Variants in TTF2 observed in about 807,000 individuals in gnomAD.
TTF2 encodes transcription termination factor 2.
A neutral mutation model predicts 142.4 loss-of-function variants in TTF2; 108 were observed. The ratio of observed to expected loss-of-function variants is 0.76; its 90% CI spans 0.65 to 0.89. The LOEUF (loss-of-function observed/expected upper bound fraction) is 0.89, where lower values mean the gene tolerates loss of function less well. Ranked by LOEUF, TTF2 falls within the 40% of genes least tolerant of loss-of-function variation. The probability of loss-of-function intolerance (pLI) is 0.00; values close to 1 mark genes in which losing one functional copy is unlikely to be tolerated. For missense variants in TTF2, 1,327 were observed against 1,379.8 expected (o/e 0.96, Z 0.61); for synonymous variants, 483 against 506.2 (o/e 0.95, Z 0.61).
intron 13 of TTF2, 140 bp downstream of exon 13, chr1:117,089,122 A>G (rs1648310628): frequency 5.9e-6 from 5 of 840,450 alleles, no homozygotes; most frequent in Non-Finnish European, 8.7e-6. Flanking sequence ...TTTAAAGGAC[A>G]AAAGAATAAA....
intron 18 of TTF2, 78 bp from the exon 19 acceptor site, chr1:117,095,231 T>C: frequency 1.4e-6 from 2 of 1,387,184 alleles, no homozygotes; most frequent in South Asian, 1.2e-5. Context: ...TGTAGGAGGC[T>C]GCTTCGCATG....
Position 117,060,560 on chromosome 1 carries a change from A to T in TTF2, c.131+3A>T. The T allele has an allele frequency of 1.2e-6, 2 of 1,605,406 alleles. No homozygotes were observed. The highest frequency in any genetic ancestry group is 1.7e-6 in the Non-Finnish European group (2 of 1,175,260). The stretch of plus-strand genomic sequence containing the variant: ...TGCAGCTTCGTGCGGGCCACCGAGT[A>T]GGTCTGGAGCTGGGCCCCACTCCCT... On this transcript the variant is annotated splice_donor_region_variant and intron_variant, in intron 2 of 22. Coordinates refer to ENST00000369466, the MANE Select transcript of TTF2 (RefSeq NM_003594.4).
At chr1:117,095,978 T>C (rs1054571095) in intron 19 of TTF2, among the ~76,000 whole-genome samples, 171 bp from the exon 20 acceptor site, 8 of 152,164 alleles carry the variant, frequency 5.3e-5, no homozygotes, top group Non-Finnish European at 1.0e-4. Flanking sequence ...ACTGGAAGCA[T>C]TATAATCTTC....
intron 16 of TTF2, 152 bp from the exon 17 acceptor site, chr1:117,091,665 C>T: frequency 9.8e-7 from 1 of 1,016,694 alleles, no homozygotes; most frequent in Non-Finnish European, 1.4e-6. Context: ...TTTCATTTGG[C>T]CTAATTGAAG....
At chr1:117,061,975 C>T (rs933367355) in intron 2 of TTF2, among the ~76,000 whole-genome samples, 3 of 152,000 alleles carry the variant, frequency 2.0e-5, no homozygotes, top group African/African-American at 4.8e-5. Context: ...GCATATAGGG[C>T]GTATTGTTAG....
rs766656052 is a variant in TTF2 at position 117,090,273 on chromosome 1, G to A, written c.2496+65G>A. The A allele has an allele frequency of 6.4e-7, 1 of 1,564,298 alleles. No individual in the cohort carries two copies. The highest frequency in any genetic ancestry group is 8.6e-7 in the Non-Finnish European group (1 of 1,156,684). On this transcript the variant is annotated intron_variant, in intron 14 of 22. Coordinates refer to ENST00000369466, the MANE Select transcript of TTF2 (RefSeq NM_003594.4). This position sits in a 1 kb window ranked among gnomAD's most constrained non-coding sequence, Gnocchi z 4.8. ...AGGAACATGACTGTGTCCTTGTCTT[G>A]GGTTGAACAGCCATCTGCTTTGCTT... is the stretch of plus-strand genomic sequence containing the variant.
rs1656881247 is a variant in TTF2 at position 117,075,091 on chromosome 1, G to C, written c.507G>C (p.Gln169His). Reference sequence around the variant, plus strand: ...AGCTTTTCGATCAAAAGAAAGAACAGAAGCCTGAAATGATGGAGAAAGACC... The same window carrying C: ...AGCTTTTCGATCAAAAGAAAGAACACAAGCCTGAAATGATGGAGAAAGACC... ...GDQLFDQKKEQKPEMMEKDLS... is the reference protein window; with the variant it reads ...GDQLFDQKKEHKPEMMEKDLS... Residue 169 changes from glutamine (Q) to histidine (H), a missense_variant, in exon 5 of 23, where the codon CAG becomes CAC. By Grantham distance (24) the Gln-to-His change is conservative. Transcript: ENST00000369466. The surrounding 1 kb of genome is among the most constrained non-coding windows in gnomAD (Gnocchi z 4.5). 1.9e-6 allele frequency: 3 copies of C among 1,613,974 alleles called. No homozygotes were observed. The highest frequency in any genetic ancestry group is 2.7e-5 in the African/African-American group (2 of 74,912).
rs1455343593 is a variant in TTF2, at chr1:117,092,773, T to C, written c.2848T>C (p.Ser950Pro). ...MELKGEGLVL[S>P]LEEQLSALTL... ...ACTGAAGGGTGAAGGTCTTGTCCTT[T>C]CCCTGGAAGAACAGCTCAGTGCTTT... The change falls in exon 18 of 23, where the codon TCC (serine) becomes CCC (proline). Residue 950 changes from serine to proline, a missense_variant. Coordinates refer to ENST00000369466, the MANE Select transcript of TTF2 (RefSeq NM_003594.4). The surrounding 1 kb of genome is among the most constrained non-coding windows in gnomAD (Gnocchi z 4.4). 1 of 1,614,102 alleles carries C rather than the reference T, an allele frequency of 6.2e-7. No homozygotes were observed. The highest frequency in any genetic ancestry group is 1.3e-5 in the African/African-American group (1 of 74,932).
rs1448423385 is a variant in TTF2 at position 117,101,533 on chromosome 1, G to C, written c.*9G>C. ...TCCTTTTTGGCATCTAACCTCCTGT[G>C]GATAAGGGCTCAGAATAGCACCATT... On this transcript the variant is annotated 3_prime_UTR_variant, in exon 23 of 23. Coordinates refer to ENST00000369466, the MANE Select transcript of TTF2 (RefSeq NM_003594.4). The surrounding 1 kb of genome is among the most constrained non-coding windows in gnomAD (Gnocchi z 5.9). The C allele has an allele frequency of 6.3e-7, 1 of 1,579,448 alleles. No homozygotes were observed. The highest frequency in any genetic ancestry group is 1.4e-5 in the African/African-American group (1 of 72,826).
chr1:117,061,143 A>T (rs943074969), intron 2 of TTF2, among the ~76,000 whole-genome samples: 7 of 152,170 alleles, frequency 4.6e-5, no homozygotes, highest in Admixed American at 1.3e-4. Flanking sequence ...TAATCCCAGC[A>T]CTTTGGGAGG....
rs551135950 is a variant in TTF2 at position 117,104,638 on chromosome 1, C to T, written c.*3114C>T. Reference sequence around the variant, plus strand: ...GTGTTCTTATAGCCGTGAGATGCTACTGACTTGAGGTGGATGCAGAAAAAA... The same window carrying T: ...GTGTTCTTATAGCCGTGAGATGCTATTGACTTGAGGTGGATGCAGAAAAAA... On this transcript the variant is annotated 3_prime_UTR_variant, in exon 23 of 23. Coordinates refer to ENST00000369466, the MANE Select transcript of TTF2 (RefSeq NM_003594.4). 4.6e-5 allele frequency: 7 copies of T among 152,212 alleles called. No individual in the cohort carries two copies. The highest frequency in any genetic ancestry group is 8.8e-5 in the Non-Finnish European group (6 of 68,042). The allele number at this position is 152,212 out of a possible 1,614,324, so 9.4% of individuals were successfully genotyped here.
At position 117,106,300 on chromosome 1, in the gene TTF2, A is replaced by C. The variant is rs1649939110; in HGVS notation, c.*4776A>C. 2 of 151,174 alleles carry C rather than the reference A, an allele frequency of 1.3e-5. No homozygotes were observed. The highest frequency in any genetic ancestry group is 6.6e-5 in the Admixed American group (1 of 15,182). The allele number at this position is 151,174 out of a possible 1,614,324, so 9.4% of individuals were successfully genotyped here. Reference sequence around the variant, plus strand: ...AAAAAAAAAAAAGCAAACCCAGCCTAACTCCCAGGGAGGGAAGAGGGGCGA... The same window carrying C: ...AAAAAAAAAAAAGCAAACCCAGCCTCACTCCCAGGGAGGGAAGAGGGGCGA... On this transcript the variant is annotated 3_prime_UTR_variant, in exon 23 of 23. Transcript: ENST00000369466.
Position 117,060,442 on chromosome 1 carries a change from C to A in TTF2, c.29-13C>A. ...GCGTGGCGTAATCGTTGTTCACTTT[C>A]TTCTCTCTTCAGGGACTTTCTGCTT... On this transcript the variant is annotated splice_polypyrimidine_tract_variant and intron_variant, in intron 1 of 22. Transcript: ENST00000369466. 1 of 1,612,558 alleles carries A rather than the reference C, an allele frequency of 6.2e-7. No homozygotes were observed. The highest frequency in any genetic ancestry group is 8.5e-7 in the Non-Finnish European group (1 of 1,179,200).
rs1458831924 is a variant in TTF2, at chr1:117,063,100, A to T, written c.218+627A>T. ...AGGCGATAAGGCTGGCCAGGAAGGT[A>T]GGGGTCAGGATGTGATAGATGGTCT... is the stretch of plus-strand genomic sequence containing the variant. On this transcript the variant is annotated intron_variant, in intron 3 of 22. Transcript: ENST00000369466. The surrounding 1 kb of genome is among the most constrained non-coding windows in gnomAD (Gnocchi z 4.1). 6.6e-6 allele frequency among the ~76,000 whole-genome samples: 1 copy of T among 152,222 alleles called. No individual in the cohort carries two copies. Among genetic ancestry groups the T allele is most frequent in the Non-Finnish European group, 1.5e-5 (1 of 68,038 alleles).
In TTF2 at chr1:117,096,209, T is replaced by C. The variant is rs760871980; in HGVS notation, c.3096T>C (p.His1032=). The part of the protein sequence containing the change: ...LKVVALHLKK[H]GLTYATIDGS... ...TTGTAGCATTGCACCTGAAGAAGCA[T>C]GGACTGACTTATGCCACCATCGATG... The change falls in exon 20 of 23, where the codon CAT becomes CAC. Residue 1032 remains histidine (H), a synonymous_variant. Coordinates refer to ENST00000369466, the MANE Select transcript of TTF2 (RefSeq NM_003594.4). 1.3e-5 allele frequency: 21 copies of C among 1,614,080 alleles called. No individual in the cohort carries two copies. Among genetic ancestry groups the C allele is most frequent in the Non-Finnish European group, 1.6e-5 (19 of 1,180,040 alleles).
In TTF2 at chr1:117,100,119, A is replaced by G. The variant is rs1290293011; in HGVS notation, c.3344+1212A>G. Among the ~76,000 whole-genome samples, 2 of 152,204 alleles carry G rather than the reference A, an allele frequency of 1.3e-5. No homozygotes were observed. Among genetic ancestry groups the G allele is most frequent in the East Asian group, 1.9e-4 (1 of 5,206 alleles). On this transcript the variant is annotated intron_variant, in intron 22 of 22. Transcript: ENST00000369466. The surrounding 1 kb of genome is among the most constrained non-coding windows in gnomAD (Gnocchi z 4.6). ...AAAACATACCTTTTGAGCACCCACTATGTAGCAAGTATAATTACATGTTTC... is the reference window on the plus strand; with the variant it reads ...AAAACATACCTTTTGAGCACCCACTGTGTAGCAAGTATAATTACATGTTTC...
chr1:117,076,638 C>A lies in TTF2; in HGVS notation c.1391-3C>A. The stretch of plus-strand genomic sequence containing the variant: ...ATCTGCTCTTCCCTTGTTTTCTGAG[C>A]AGGAACTAATGAGAAGAGTAACAGT... On this transcript the variant is annotated splice_region_variant and splice_polypyrimidine_tract_variant and intron_variant, in intron 6 of 22. Transcript: ENST00000369466. The surrounding 1 kb of genome is among the most constrained non-coding windows in gnomAD (Gnocchi z 4.6). 1 of 1,604,456 alleles carries A rather than the reference C, an allele frequency of 6.2e-7. No individual in the cohort carries two copies. The highest frequency in any genetic ancestry group is 8.5e-7 in the Non-Finnish European group (1 of 1,174,704).
chr1:117,075,935 C>T lies in TTF2; in HGVS notation c.1275+76C>T. 6.6e-7 allele frequency: 1 copy of T among 1,514,144 alleles called. No individual in the cohort carries two copies. Among genetic ancestry groups the T allele is most frequent in the African/African-American group, 1.4e-5 (1 of 71,890 alleles). The allele number at this position is 1,514,144 out of a possible 1,614,324, so 93.8% of individuals were successfully genotyped here. A position where few individuals can be genotyped will look rare whatever the true frequency, so the allele number is the denominator to read the frequency against. ...GGGCAGATATGAGATCTCATTGCTA[C>T]AGAAGGGTTAAATATGTTCATGTGA... On this transcript the variant is annotated intron_variant, in intron 5 of 22. Coordinates refer to ENST00000369466, the MANE Select transcript of TTF2 (RefSeq NM_003594.4). This position sits in a 1 kb window ranked among gnomAD's most constrained non-coding sequence, Gnocchi z 4.5.
rs373710329 is a variant in TTF2, at chr1:117,090,012, C to A, written c.2343-43C>A. On this transcript the variant is annotated intron_variant, in intron 13 of 22. Transcript: ENST00000369466. The surrounding 1 kb of genome is among the most constrained non-coding windows in gnomAD (Gnocchi z 4.8). ...TGAACCTTTATTCCATTCTCCCTGA[C>A]TTTTCCTTCCCTACTCTGTGCCCTT... The A allele has an allele frequency of 7.9e-4, 1,247 of 1,583,450 alleles. No homozygotes were observed. Among genetic ancestry groups the A allele is most frequent in the Non-Finnish European group, 1.0e-3 (1,178 of 1,165,524 alleles).
Sources: gnomAD v4.1 joint callset for allele counts (sites outside exome capture counted in the v4.1 genomes callset) on GRCh38, gnomAD v4.1.1 for gene constraint, Gnocchi (gnomAD v3.1) non-coding constraint, MANE v1.5 for transcripts, NCBI Gene and HGNC (gene_info 2026-07-23, HGNC 2026-07-21) for gene names.